The following PCDHA5 variants were observed in gnomAD, a reference collection of about 807,000 sequenced individuals.
PCDHA5 encodes the protein protocadherin alpha 5, also known as protocadherin alpha-5.
Under a neutral mutation model 61.6 loss-of-function variants are expected in PCDHA5, and 43 were observed. The observed-to-expected ratio is 0.70, with a 90% confidence interval of 0.55 to 0.90. The LOEUF is 0.90. Ranked by LOEUF, PCDHA5 falls within the 40% of genes least tolerant of loss-of-function variation. The pLI is 0.00. For missense variants in PCDHA5, 1,298 were observed against 1,222.7 expected (o/e 1.06, Z -0.92); for synonymous variants, 627 against 543.9 (o/e 1.15, Z -2.13).
chr5:140,870,317 C>T (rs782216904), intron 1 of PCDHA5: 9 of 1,614,198 alleles, frequency 5.6e-6, no homozygotes, highest in South Asian at 2.2e-5. Flanking sequence ...AATTACTACT[C>T]GTTGGTGCTG....
intron 1 of PCDHA5, chr5:140,869,010 T>A (rs919333995): frequency 4.6e-6 from 7 of 1,523,886 alleles, no homozygotes; most frequent in Middle Eastern, 1.8e-4. Context: ...CCTTTGAAAC[T>A]TCTTAAGAAT....
intron 1 of PCDHA5, chr5:140,927,088 T>C (rs1554204002): frequency 6.2e-7 from 1 of 1,612,662 alleles, no homozygotes; most frequent in Admixed American, 1.7e-5. Context: ...CGAGCTCTAC[T>C]TCGGGGTGGA....
At position 140,883,249 on chromosome 5, in the gene PCDHA5, T is replaced by A. The variant is rs145815075; in HGVS notation, c.2352+59122T>A. On this transcript the variant is annotated intron_variant, in intron 1 of 3. Transcript: ENST00000529859. ...CCGTGGAGGCAGTTGACAAAGGAAA[T>A]ATTCCAATGGCGGGTCATTGTACCC... The A allele has an allele frequency of 5.1e-4, 830 of 1,613,870 alleles. 7 individuals carry two copies. In the African/African-American group the frequency reaches 9.0e-3, roughly 18 times the overall value.
At chr5:140,884,559 C>T (rs782174598) in intron 1 of PCDHA5, 2 of 1,614,094 alleles carry the variant, frequency 1.2e-6, no homozygotes, top group Admixed American at 1.7e-5. Context: ...GGGGAGGGCC[C>T]GCATAAGACG....
At position 141,010,080 on chromosome 5, in the gene PCDHA5, G is replaced by C. The variant is rs2098415967; in HGVS notation, c.*143G>C. On this transcript the variant is annotated 3_prime_UTR_variant, in exon 4 of 4. Transcript: ENST00000529859. The stretch of plus-strand genomic sequence containing the variant: ...AATCTGCAGAAAGTTCCCTGTGTCT[G>C]TCTAGAACGCATTTAACAGGTTTTG... 1 of 1,611,462 alleles carries C rather than the reference G, an allele frequency of 6.2e-7. No homozygotes were observed. The highest frequency in any genetic ancestry group is 1.1e-5 in the South Asian group (1 of 90,590).
At chr5:140,826,294 A>G (rs1305624310) in intron 1 of PCDHA5, among the ~76,000 whole-genome samples, 1 of 152,114 alleles carries the variant, frequency 6.6e-6, no homozygotes, top group African/African-American at 2.4e-5. Context: ...TGTCTTTTTT[A>G]TAGGAACCTC....
At chr5:140,939,281 G>C (rs1554212652) in intron 1 of PCDHA5, among the ~76,000 whole-genome samples, 1 of 152,014 alleles carries the variant, frequency 6.6e-6, no homozygotes. Context: ...CTGTGCCCTC[G>C]TGATCTAATC....
intron 1 of PCDHA5, chr5:140,926,711 C>T: frequency 1.1e-6 from 1 of 925,094 alleles, no homozygotes; most frequent in Non-Finnish European, 1.5e-6. Context: ...AGCTGGCCAG[C>T]CCCGGCAATG....
At chr5:140,997,335 A>G (rs2097768018) in intron 3 of PCDHA5, among the ~76,000 whole-genome samples, 1 of 152,230 alleles carries the variant, frequency 6.6e-6, no homozygotes, top group African/African-American at 2.4e-5. Context: ...TTCGTTGTAC[A>G]AATATCATAG....
chr5:141,005,308 TA>T (rs1345689314), intron 3 of PCDHA5, among the ~76,000 whole-genome samples: 4 of 152,214 alleles, frequency 2.6e-5, no homozygotes, highest in Non-Finnish European at 4.4e-5. Context: ...TTGTGAATCT[TA>T]CAGTGGTAGA....
intron 1 of PCDHA5, among the ~76,000 whole-genome samples, chr5:140,939,605 G>GAACAAGGA (rs1468383916): frequency 1.3e-5 from 2 of 152,082 alleles, no homozygotes; most frequent in African/African-American, 4.8e-5. Flanking sequence ...CTCAAAAACA[G>GAACAAGGA]AACAAGGAGA....
chr5:140,971,414 AT>A (rs2096477673), intron 1 of PCDHA5, among the ~76,000 whole-genome samples: 1 of 152,166 alleles, frequency 6.6e-6, no homozygotes, highest in African/African-American at 2.4e-5. Flanking sequence ...ACTTTTGGAA[AT>A]CCAGTGAAGA....
At chr5:140,968,346 C>A in intron 1 of PCDHA5, 2 of 1,614,090 alleles carry the variant, frequency 1.2e-6, no homozygotes, top group Non-Finnish European at 1.7e-6. Context: ...ATTAACAGTG[C>A]CAGTGGCAGC....
chr5:140,884,737 T>C (rs1554181872), intron 1 of PCDHA5: 1 of 1,443,634 alleles, frequency 6.9e-7, no homozygotes, highest in Non-Finnish European at 9.1e-7. Context: ...AAGACATCTT[T>C]CCTGCCAATT....
rs141559668 is a variant in PCDHA5, at chr5:140,830,266, G to A, written c.2352+6139G>A. On this transcript the variant is annotated intron_variant, in intron 1 of 3. Transcript: ENST00000529859. ...TGTACACAGCGCTGCGGTGCTCGGC[G>A]CCACCCACCGAGGGCGCGTGCACGG... 1.1e-4 allele frequency: 170 copies of A among 1,613,648 alleles called. No homozygotes were observed. The Middle Eastern group carries it at 1.5e-3, about 14-fold the overall frequency.
chr5:140,886,931 G>C (rs1426144437), intron 1 of PCDHA5, among the ~76,000 whole-genome samples: 1 of 151,756 alleles, frequency 6.6e-6, no homozygotes, highest in South Asian at 2.1e-4. Flanking sequence ...CTATGTGCCA[G>C]GCATGTTCTA....
rs782371814 is a variant in PCDHA5 at position 140,882,829 on chromosome 5, G to A, written c.2352+58702G>A. On this transcript the variant is annotated intron_variant, in intron 1 of 3. Transcript: ENST00000529859. Reference sequence around the variant, plus strand: ...CTTTGGACGCACAAAACAGTCTTGAGCAAATGTCTTCATTATCACTTGTAC... The same window carrying A: ...CTTTGGACGCACAAAACAGTCTTGAACAAATGTCTTCATTATCACTTGTAC... The A allele has an allele frequency of 5.6e-6, 9 of 1,614,206 alleles. No homozygotes were observed. The South Asian group carries it at 8.8e-5, about 16-fold the overall frequency.
At position 140,850,209 on chromosome 5, in the gene PCDHA5, G is replaced by C. The variant is rs17844333; in HGVS notation, c.2352+26082G>C. ...GGCGCTGCTGACACCTCGGATGAGG[G>C]GCACTGACGGCGCAGTGAGCGAGAT... On this transcript the variant is annotated intron_variant, in intron 1 of 3. Coordinates refer to ENST00000529859, the MANE Select transcript of PCDHA5 (RefSeq NM_018908.3). 7.0e-3 allele frequency: 11,231 copies of C among 1,593,568 alleles called. 1,600 individuals carry two copies. The Admixed American group carries it at 0.15, about 21-fold the overall frequency.
At chr5:140,828,589 C>T (rs2150157148) in intron 1 of PCDHA5, 9 of 1,614,088 alleles carry the variant, frequency 5.6e-6, no homozygotes, top group Non-Finnish European at 7.6e-6. Flanking sequence ...GCTCAAATTC[C>T]ATCTTAACCT....
Sources: allele counts gnomAD v4.1 joint callset (sites outside exome capture counted in the v4.1 genomes callset), GRCh38; gene constraint gnomAD v4.1.1; transcripts MANE v1.5; gene names NCBI Gene and HGNC (gene_info 2026-07-23, HGNC 2026-07-21).